The following PTPRK variants were observed in gnomAD, a reference collection of about 807,000 sequenced individuals.
PTPRK encodes protein tyrosine phosphatase receptor type K, also known as receptor-type tyrosine-protein phosphatase kappa.
In PTPRK, 75 loss-of-function variants were observed where a neutral mutation model predicts 178.0. That is an observed-to-expected ratio of 0.42 (90% CI 0.35 to 0.51). The LOEUF (loss-of-function observed/expected upper bound fraction) is 0.51, where lower values mean the gene tolerates loss of function less well. Among genes scored for constraint, PTPRK ranks in the 20% least tolerant of loss-of-function variants. The probability of loss-of-function intolerance (pLI) is 0.02; values close to 1 mark genes in which losing one functional copy is unlikely to be tolerated. For missense variants in PTPRK, 1,441 were observed against 1,797.8 expected, an observed-to-expected ratio of 0.80 and a Z score of 3.59; for synonymous variants, 637 against 620.6, an observed-to-expected ratio of 1.03 and a Z score of -0.39.
At chr6:128,120,851 A>G (rs1218171385) in intron 7 of PTPRK, among the ~76,000 whole-genome samples, 1 of 151,972 alleles carries the variant, frequency 6.6e-6, no homozygotes, top group Non-Finnish European at 1.5e-5. Flanking sequence ...CATTTCTACT[A>G]CTAAAAACCT....
At chr6:128,276,155 A>G (rs1820691435) in intron 3 of PTPRK, among the ~76,000 whole-genome samples, 1 of 152,092 alleles carries the variant, frequency 6.6e-6, no homozygotes, top group Admixed American at 6.5e-5. Flanking sequence ...TTATTCAACA[A>G]CAAGAGCATA....
intron 1 of PTPRK, among the ~76,000 whole-genome samples, chr6:128,404,612 T>C (rs1426218219): frequency 6.6e-6 from 1 of 152,180 alleles, no homozygotes; most frequent in Non-Finnish European, 1.5e-5. Flanking sequence ...CAGGTACAAG[T>C]TGGAATTCAA....
intron 6 of PTPRK, among the ~76,000 whole-genome samples, chr6:128,194,375 C>T (rs1216612609): frequency 2.0e-5 from 3 of 152,032 alleles, no homozygotes; most frequent in Non-Finnish European, 4.4e-5. Context: ...CGTGAGCCAC[C>T]GCGCCCGGCC....
intron 7 of PTPRK, among the ~76,000 whole-genome samples, chr6:128,178,210 T>A (rs1801379890): frequency 1.3e-5 from 2 of 151,890 alleles, no homozygotes; most frequent in Non-Finnish European, 2.9e-5. Context: ...GTATGTTATA[T>A]TTTTATTGTA....
At chr6:127,986,696 A>G (rs1437000301) in intron 21 of PTPRK, among the ~76,000 whole-genome samples, 1 of 152,184 alleles carries the variant, frequency 6.6e-6, no homozygotes, top group Non-Finnish European at 1.5e-5. Context: ...AAATCCCACT[A>G]TAATCTATAT....
At chr6:128,104,396 G>A (rs1789324799) in intron 7 of PTPRK, among the ~76,000 whole-genome samples, 1 of 152,000 alleles carries the variant, frequency 6.6e-6, no homozygotes, top group South Asian at 2.1e-4. Flanking sequence ...CGGGCTTTTT[G>A]TATTTTTAGT....
rs539085212 is a variant in PTPRK at position 127,993,949 on chromosome 6, A to G, written c.2845-1240T>C. On this transcript the variant is annotated intron_variant, in intron 18 of 29. Coordinates refer to ENST00000368226, the MANE Select transcript of PTPRK (RefSeq NM_002844.4). The stretch of plus-strand genomic sequence containing the variant: ...TTTTATAACAAGGCTCCAGTGTACA[A>G]GTCCTGGCAGAAAACCCAGGTTAAA... 7.2e-5 allele frequency among the ~76,000 whole-genome samples: 11 copies of G among 151,836 alleles called. No homozygotes were observed. The South Asian group carries it at 2.1e-3, about 29-fold the overall frequency.
At chr6:128,471,532 C>A (rs1241840367) in intron 1 of PTPRK, among the ~76,000 whole-genome samples, 1 of 147,722 alleles carries the variant, frequency 6.8e-6, no homozygotes, top group Non-Finnish European at 1.5e-5. Context: ...AAAAGAGAAG[C>A]CTTAAAGGAA....
intron 1 of PTPRK, among the ~76,000 whole-genome samples, chr6:128,414,067 T>C (rs1842585651): frequency 6.6e-6 from 1 of 152,054 alleles, no homozygotes; most frequent in African/African-American, 2.4e-5. Flanking sequence ...AAGGACTGAG[T>C]AGAGCAACAA....
intron 2 of PTPRK, among the ~76,000 whole-genome samples, chr6:128,378,511 AT>A (rs140313558): frequency 0.024 from 3,718 of 152,166 alleles, 145 homozygotes; most frequent in African/African-American, 0.084. Context: ...TTTTCTAACC[AT>A]TTTTGTTTCA....
At chr6:128,164,722 G>A (rs991350767) in intron 7 of PTPRK, among the ~76,000 whole-genome samples, 1 of 151,122 alleles carries the variant, frequency 6.6e-6, no homozygotes, top group Non-Finnish European at 1.5e-5. Flanking sequence ...TACAGGCTGG[G>A]GGGGGAGATT....
chr6:128,467,857 C>A (rs1240848021), intron 1 of PTPRK, among the ~76,000 whole-genome samples: 1 of 148,624 alleles, frequency 6.7e-6, no homozygotes, highest in African/African-American at 2.4e-5. Context: ...GCAAATGTAA[C>A]TGTCCCATTA....
rs146208447 is a variant in PTPRK at position 128,293,136 on chromosome 6, G to T, written c.495+28903C>A. Reference sequence around the variant, plus strand: ...AGTATATAATGCAATAAATATATCAGTATAGAATAAGTGGAGGTAGCCATT... The same window carrying T: ...AGTATATAATGCAATAAATATATCATTATAGAATAAGTGGAGGTAGCCATT... On this transcript the variant is annotated intron_variant, in intron 3 of 29. Transcript: ENST00000368226. Among the ~76,000 whole-genome samples the T allele has an allele frequency of 5.9e-3, 900 of 152,154 alleles. 11 individuals carry two copies. Among genetic ancestry groups the T allele is most frequent in the African/African-American group, 0.021 (860 of 41,510 alleles).
intron 2 of PTPRK, among the ~76,000 whole-genome samples, chr6:128,342,070 T>C (rs1469714860): frequency 2.0e-5 from 3 of 152,168 alleles, no homozygotes; most frequent in Admixed American, 1.3e-4. Context: ...CTGGACAACA[T>C]GATGAAACCC....
At chr6:128,439,525 A>C (rs1262261293) in intron 1 of PTPRK, among the ~76,000 whole-genome samples, 2 of 152,230 alleles carry the variant, frequency 1.3e-5, no homozygotes, top group Non-Finnish European at 2.9e-5. Context: ...TGCTTTATTC[A>C]TGATTTCTGC....
At chr6:128,128,470 A>G (rs1793720042) in intron 7 of PTPRK, among the ~76,000 whole-genome samples, 2 of 152,154 alleles carry the variant, frequency 1.3e-5, no homozygotes, top group Admixed American at 1.3e-4. Flanking sequence ...ACAGCCGTCA[A>G]TTCTCTTCCC....
intron 5 of PTPRK, among the ~76,000 whole-genome samples, chr6:128,235,084 T>C (rs1231662837): frequency 6.6e-6 from 1 of 152,178 alleles, no homozygotes; most frequent in Non-Finnish European, 1.5e-5. Flanking sequence ...ATTGGATCAT[T>C]ACACATTATA....
intron 2 of PTPRK, among the ~76,000 whole-genome samples, chr6:128,370,146 A>C (rs752810401): frequency 1.3e-5 from 2 of 152,114 alleles, no homozygotes; most frequent in Non-Finnish European, 2.9e-5. Context: ...AAATATTTTT[A>C]AAATAAGTAT....
chr6:128,260,036 A>C (rs1389933457), intron 3 of PTPRK, among the ~76,000 whole-genome samples: 1 of 152,136 alleles, frequency 6.6e-6, no homozygotes, highest in Non-Finnish European at 1.5e-5. Context: ...AATGAGTTTC[A>C]CTTTTCATTT....
Sources: gnomAD v4.1 joint callset for allele counts (sites outside exome capture counted in the v4.1 genomes callset) on GRCh38, gnomAD v4.1.1 for gene constraint, MANE v1.5 for transcripts, NCBI Gene and HGNC (gene_info 2026-07-23, HGNC 2026-07-21) for gene names.